PTPRD: variants seen among roughly 807,000 people sequenced by gnomAD.
PTPRD encodes protein tyrosine phosphatase receptor type D.
Under a neutral mutation model 214.5 loss-of-function variants are expected in PTPRD, and 34 were observed. The ratio of observed to expected loss-of-function variants is 0.16; its 90% CI spans 0.12 to 0.21. PTPRD has a LOEUF of 0.21. Ranked by LOEUF, PTPRD falls within the 10% of genes least tolerant of loss-of-function variation. The probability of loss-of-function intolerance (pLI) is 1.00; values close to 1 mark genes in which losing one functional copy is unlikely to be tolerated. For synonymous variants in PTPRD, 1,128 were observed against 845.7 expected, an observed-to-expected ratio of 1.33 and a Z score of -5.79; for missense variants, 2,545 against 2,398.7, an observed-to-expected ratio of 1.06 and a Z score of -1.27.
chr9:9,338,483 A>T (rs2045488702), intron 9 of PTPRD, among the ~76,000 whole-genome samples: 1 of 152,162 alleles, frequency 6.6e-6, no homozygotes, highest in African/African-American at 2.4e-5. Flanking sequence ...AAACATTTTA[A>T]TTTTTTAAAT....
chr9:10,539,774 G>A (rs111415731), intron 2 of PTPRD, among the ~76,000 whole-genome samples: 5,281 of 152,122 alleles, frequency 0.035, 120 homozygotes, highest in South Asian at 0.068. Context: ...CTTTGGAGGC[G>A]GACCTCCTTT....
intron 14 of PTPRD, among the ~76,000 whole-genome samples, chr9:8,565,009 G>C (rs1014491974): frequency 6.6e-6 from 1 of 152,150 alleles, no homozygotes; most frequent in Non-Finnish European, 1.5e-5. Flanking sequence ...AAATACAAAA[G>C]CTCCTTCATT....
chr9:10,052,243 C>CT (rs2097547972), intron 3 of PTPRD, among the ~76,000 whole-genome samples: 1 of 152,136 alleles, frequency 6.6e-6, no homozygotes, highest in Non-Finnish European at 1.5e-5. Flanking sequence ...CCTGCCTTTA[C>CT]AAATCAATAC....
chr9:9,301,802 T>A (rs1955418302), intron 9 of PTPRD, among the ~76,000 whole-genome samples: 2 of 151,900 alleles, frequency 1.3e-5, no homozygotes, highest in African/African-American at 4.8e-5. Context: ...CTAAAAACTC[T>A]ATGCATTCAT....
intron 11 of PTPRD, among the ~76,000 whole-genome samples, chr9:8,880,360 C>T (rs182868657): frequency 2.4e-4 from 36 of 152,268 alleles, no homozygotes; most frequent in African/African-American, 7.9e-4. Context: ...CTGGCGCATC[C>T]TCCCTTAGTG....
At position 8,389,325 on chromosome 9, in the gene PTPRD, A is replaced by G. The variant is rs1308815188; in HGVS notation, c.4293T>C (p.Ser1431=). 6.2e-7 allele frequency: 1 copy of G among 1,612,972 alleles called. No homozygotes were observed. Among genetic ancestry groups the G allele is most frequent in the Non-Finnish European group, 8.5e-7 (1 of 1,179,272 alleles). The change falls in exon 37 of 46, where the codon TCT becomes TCC. Residue 1431 remains serine (S), a synonymous_variant. Coordinates refer to ENST00000381196, the MANE Select transcript of PTPRD (RefSeq NM_002839.4). ...KQNAYIATQG[S]LPETFGDFWR... is the part of the protein sequence containing the mutation. ...AAAAGTCCCCAAATGTTTCGGGGAG[A>G]GATCCCTGTGTTGCAATATAGGCAT... is the stretch of plus-strand genomic sequence containing the variant.
chr9:8,341,591 T>G, intron 40 of PTPRD, 102 bp downstream of exon 40: 1 of 1,331,006 alleles, frequency 7.5e-7, no homozygotes. Flanking sequence ...GTCAAATGAA[T>G]CTTGTACTTC....
chr9:10,051,533 T>G (rs2097534789), intron 3 of PTPRD, among the ~76,000 whole-genome samples: 1 of 152,052 alleles, frequency 6.6e-6, no homozygotes, highest in African/African-American at 2.4e-5. Context: ...GTGTGCCATG[T>G]TGGTGTGCTG....
At chr9:8,857,303 TCCA>T (rs1444251754) in intron 11 of PTPRD, among the ~76,000 whole-genome samples, 4 of 152,108 alleles carry the variant, frequency 2.6e-5, no homozygotes, top group Non-Finnish European at 5.9e-5. Flanking sequence ...GCCCCACCGC[TCCA>T]CCATTTGCCC....
intron 3 of PTPRD, among the ~76,000 whole-genome samples, chr9:10,117,957 A>G (rs748712908): frequency 2.6e-5 from 4 of 152,074 alleles, no homozygotes; most frequent in Non-Finnish European, 4.4e-5. Flanking sequence ...GAGGTAAACT[A>G]TCTACCAACC....
chr9:9,843,886 T>C (rs2058884736), intron 5 of PTPRD, among the ~76,000 whole-genome samples: 1 of 152,034 alleles, frequency 6.6e-6, no homozygotes, highest in Non-Finnish European at 1.5e-5. Context: ...AGTTATCTTA[T>C]CGAATAGACC....
At chr9:9,624,907 G>C in intron 7 of PTPRD, among the ~76,000 whole-genome samples, 1 of 151,850 alleles carries the variant, frequency 6.6e-6, no homozygotes, top group Non-Finnish European at 1.5e-5. Flanking sequence ...TGTGGCCTTG[G>C]GTTACTTATT....
chr9:10,124,380 G>A (rs2098799548), intron 3 of PTPRD, among the ~76,000 whole-genome samples: 1 of 152,142 alleles, frequency 6.6e-6, no homozygotes, highest in Non-Finnish European at 1.5e-5. Flanking sequence ...AGTACACTAT[G>A]CAGCTAAATG....
In PTPRD at chr9:10,518,775, G is replaced by A. The variant is rs201328974; in HGVS notation, c.-600+93623C>T. On this transcript the variant is annotated intron_variant, in intron 2 of 45. Transcript: ENST00000381196. ...TCTTGATCTCCTGACCTCGTGATCT[G>A]CCCGCCTTGGCCTCCCAAAGTGCTG... 1.3e-3 allele frequency among the ~76,000 whole-genome samples: 199 copies of A among 151,568 alleles called. 2 individuals are homozygous for A. In the East Asian group the frequency reaches 0.028, roughly 22 times the overall value.
At chr9:10,016,357 TTAGA>T (rs1555471278) in intron 4 of PTPRD, among the ~76,000 whole-genome samples, 6,772 of 97,332 alleles carry the variant, frequency 0.07, 229 homozygotes, top group Admixed American at 0.15. Flanking sequence ...GATAGAAAGA[TTAGA>T]TAGATAGATA....
At chr9:8,358,630 A>C (rs1329427896) in intron 39 of PTPRD, among the ~76,000 whole-genome samples, 1 of 152,138 alleles carries the variant, frequency 6.6e-6, no homozygotes, top group African/African-American at 2.4e-5. Context: ...TTCTTGATCA[A>C]TGTTAATTTC....
chr9:10,181,187 C>G (rs1439444676), intron 3 of PTPRD, among the ~76,000 whole-genome samples: 2 of 151,880 alleles, frequency 1.3e-5, no homozygotes, highest in African/African-American at 2.4e-5. Flanking sequence ...ATCTTTAGAG[C>G]TAAAAATAGG....
intron 8 of PTPRD, among the ~76,000 whole-genome samples, chr9:9,506,781 C>T (rs1210563940): frequency 6.6e-6 from 1 of 151,268 alleles, no homozygotes; most frequent in African/African-American, 2.4e-5. Context: ...CATCTTCTAC[C>T]AGTGGTGTTT....
intron 9 of PTPRD, among the ~76,000 whole-genome samples, chr9:9,378,629 C>T (rs934281135): frequency 6.6e-6 from 1 of 152,090 alleles, no homozygotes; most frequent in Non-Finnish European, 1.5e-5. Flanking sequence ...TATATGTCTA[C>T]TAGTAATGAA....
Sources: allele counts gnomAD v4.1 joint callset (sites outside exome capture counted in the v4.1 genomes callset), GRCh38; gene constraint gnomAD v4.1.1; transcripts MANE v1.5; gene names NCBI Gene and HGNC (gene_info 2026-07-23, HGNC 2026-07-21).